The following NEXMIF variants were observed in gnomAD, a reference collection of about 807,000 sequenced individuals.
The protein encoded by NEXMIF is XLMR protein related to neurite extension.
A neutral mutation model predicts 62.1 loss-of-function variants in NEXMIF; 8 were observed. That is an observed-to-expected ratio of 0.13 (90% CI 0.08 to 0.23). The LOEUF is 0.23. Among genes scored for constraint, NEXMIF ranks in the 10% least tolerant of loss-of-function variants. The probability of loss-of-function intolerance (pLI) is 1.00; values close to 1 mark genes in which losing one functional copy is unlikely to be tolerated. For missense variants in NEXMIF, 976 were observed against 1,113.3 expected (o/e 0.88, Z 1.75); for synonymous variants, 404 against 416.6 (o/e 0.97, Z 0.37).
At chrX:74,885,518 C>T (rs988382136) in intron 1 of NEXMIF, among the ~76,000 whole-genome samples, 2 of 111,774 alleles carry the variant, frequency 1.8e-5, no homozygotes, top group African/African-American at 3.2e-5. Flanking sequence ...ACTATAAACA[C>T]CTCTACGCAA....
chrX:74,876,180 G>T (rs1311357359), intron 1 of NEXMIF, among the ~76,000 whole-genome samples: 1 of 110,590 alleles, frequency 9.0e-6, no homozygotes, highest in East Asian at 2.8e-4. Context: ...CAGAGATTCT[G>T]GTATGTTGTG....
At chrX:74,862,209 A>G (rs1038697570) in intron 1 of NEXMIF, among the ~76,000 whole-genome samples, 19 of 111,521 alleles carry the variant, frequency 1.7e-4, no homozygotes, top group African/African-American at 6.2e-4. Flanking sequence ...GACAAAACAG[A>G]CTTTAAAACG....
At chrX:74,811,851 C>G (rs1414842307) in intron 1 of NEXMIF, among the ~76,000 whole-genome samples, 1 of 112,926 alleles carries the variant, frequency 8.9e-6, no homozygotes, top group Non-Finnish European at 1.9e-5. Context: ...TGCTAAACTC[C>G]TAAGTGACTG....
At chrX:74,848,923 C>T (rs111677805) in intron 1 of NEXMIF, among the ~76,000 whole-genome samples, 1 of 111,880 alleles carries the variant, frequency 8.9e-6, no homozygotes, top group Non-Finnish European at 1.9e-5. Flanking sequence ...AGGAAGTGAG[C>T]CCTCACCAGA....
chrX:74,877,143 C>G (rs2080638994), intron 1 of NEXMIF, among the ~76,000 whole-genome samples: 1 of 111,652 alleles, frequency 9.0e-6, no homozygotes, highest in Non-Finnish European at 1.9e-5. Context: ...TCGTTCCTTT[C>G]CATGTTTAGC....
intron 1 of NEXMIF, among the ~76,000 whole-genome samples, chrX:74,914,404 C>A (rs890575403): frequency 8.9e-6 from 1 of 111,937 alleles, no homozygotes; most frequent in Non-Finnish European, 1.9e-5. Context: ...GCCTGTAATC[C>A]CAGCACTGTA....
At chrX:74,779,431 T>C (rs1309559266) in intron 1 of NEXMIF, among the ~76,000 whole-genome samples, 1 of 112,043 alleles carries the variant, frequency 8.9e-6, no homozygotes, top group Non-Finnish European at 1.9e-5. Context: ...TTTTCAGCAG[T>C]CTCCTGGCTC....
intron 1 of NEXMIF, among the ~76,000 whole-genome samples, chrX:74,823,867 T>G (rs191213333): frequency 1.8e-4 from 20 of 111,889 alleles, no homozygotes; most frequent in African/African-American, 6.1e-4. Context: ...CGTTTTACAA[T>G]TTATTCTTGC....
intron 1 of NEXMIF, among the ~76,000 whole-genome samples, chrX:74,864,273 G>A (rs912080341): frequency 8.9e-6 from 1 of 112,142 alleles, no homozygotes; most frequent in Non-Finnish European, 1.9e-5. Flanking sequence ...CAAATAGGAA[G>A]AGAGGAAGCC....
chrX:74,879,362 C>G (rs184765056), intron 1 of NEXMIF, among the ~76,000 whole-genome samples: 2 of 112,061 alleles, frequency 1.8e-5, no homozygotes, highest in African/African-American at 6.5e-5. Flanking sequence ...AGGATAGATT[C>G]AAAGAGATCC....
intron 1 of NEXMIF, among the ~76,000 whole-genome samples, chrX:74,753,131 C>G (rs2080149196): frequency 8.9e-6 from 1 of 112,413 alleles, no homozygotes; most frequent in Non-Finnish European, 1.9e-5. Context: ...AGCGCAATAA[C>G]TTTAGGCTAA....
intron 1 of NEXMIF, among the ~76,000 whole-genome samples, chrX:74,849,469 G>A (rs1398770671): frequency 8.9e-6 from 1 of 112,091 alleles, no homozygotes; most frequent in African/African-American, 3.2e-5. Flanking sequence ...TCTGCCTGGA[G>A]ACTGCATGAT....
intron 1 of NEXMIF, among the ~76,000 whole-genome samples, chrX:74,779,574 T>C (rs1225280823): frequency 9.0e-6 from 1 of 111,377 alleles, no homozygotes; most frequent in Non-Finnish European, 1.9e-5. Context: ...ACACCTGACA[T>C]GTTCTTTCCA....
At chrX:74,866,705 G>A (rs931766042) in intron 1 of NEXMIF, among the ~76,000 whole-genome samples, 1 of 112,496 alleles carries the variant, frequency 8.9e-6, no homozygotes, top group Non-Finnish European at 1.9e-5. Flanking sequence ...CTGTTCTCAT[G>A]ATAGTGAATA....
chrX:74,745,802 T>C (rs748883249), intron 1 of NEXMIF, 105 bp from the exon 2 acceptor site: 2 of 439,664 alleles, frequency 4.5e-6, no homozygotes, highest in South Asian at 7.5e-5. Flanking sequence ...GGGATTTACC[T>C]GTTTCCAGAT....
chrX:74,849,167 C>G (rs1008733944), intron 1 of NEXMIF, among the ~76,000 whole-genome samples: 1 of 112,045 alleles, frequency 8.9e-6, no homozygotes, highest in African/African-American at 3.2e-5. Context: ...CGGTACTTGC[C>G]TCCTCCAGAA....
intron 1 of NEXMIF, among the ~76,000 whole-genome samples, chrX:74,849,190 A>T (rs1461026722): frequency 8.9e-6 from 1 of 112,197 alleles, no homozygotes; most frequent in Non-Finnish European, 1.9e-5. Context: ...AGGAACCAAA[A>T]TAGTATTAGA....
At chrX:74,815,911 G>C (rs998812017) in intron 1 of NEXMIF, among the ~76,000 whole-genome samples, 15 of 110,992 alleles carry the variant, frequency 1.4e-4, no homozygotes, top group Non-Finnish European at 5.7e-5. Flanking sequence ...TGGGATTATA[G>C]GCAGGAACCA....
intron 1 of NEXMIF, among the ~76,000 whole-genome samples, chrX:74,865,944 T>G (rs944483049): frequency 2.7e-5 from 3 of 111,562 alleles, no homozygotes; most frequent in African/African-American, 9.8e-5. Flanking sequence ...GGAGAACCTC[T>G]GCTAGAGAAC....
Sources: allele counts gnomAD v4.1 joint callset (sites outside exome capture counted in the v4.1 genomes callset), GRCh38; gene constraint gnomAD v4.1.1; transcripts MANE v1.5; gene names NCBI Gene and HGNC (gene_info 2026-07-23, HGNC 2026-07-21).